BIVM: variants seen among roughly 807,000 people sequenced by gnomAD.
The protein encoded by BIVM is basic, immunoglobulin-like variable motif containing.
Under a neutral mutation model 61.4 loss-of-function variants are expected in BIVM, and 31 were observed. The observed-to-expected ratio is 0.51, with a 90% CI of 0.38 to 0.68. The LOEUF (loss-of-function observed/expected upper bound fraction) is 0.68. Among genes scored for constraint, BIVM ranks in the 30% least tolerant of loss-of-function variants. BIVM has a pLI of 0.00. For synonymous variants in BIVM, 189 were observed against 210.7 expected (o/e 0.90, Z 0.89); for missense variants, 526 against 596.0 (o/e 0.88, Z 1.22).
At chr13:102,818,377 G>A (rs1309798600) in intron 4 of BIVM, among the ~76,000 whole-genome samples, 2 of 152,220 alleles carry the variant, frequency 1.3e-5, no homozygotes, top group Middle Eastern at 6.8e-3. Flanking sequence ...TTTTTTCTGA[G>A]TTAAAGATAA....
intron 3 of BIVM, among the ~76,000 whole-genome samples, chr13:102,813,626 A>G (rs1879650012): frequency 1.3e-5 from 2 of 151,898 alleles, no homozygotes; most frequent in Non-Finnish European, 1.5e-5. Context: ...CACTTTCCTT[A>G]TATGTTCTAT....
intron 3 of BIVM, among the ~76,000 whole-genome samples, chr13:102,816,076 G>A (rs559860045): frequency 3.3e-5 from 5 of 152,208 alleles, no homozygotes; most frequent in Admixed American, 6.5e-5. Context: ...TTGATTTTCC[G>A]GATGTGGCTA....
Position 102,807,346 on chromosome 13 carries a change from G to A in BIVM, c.79G>A (p.Glu27Lys). 2 of 1,614,188 alleles carry A rather than the reference G, an allele frequency of 1.2e-6. No homozygotes were observed. Among genetic ancestry groups the A allele is most frequent in the Non-Finnish European group, 8.5e-7 (1 of 1,180,030 alleles). Residue 27 changes from glutamate (E) to lysine (K), a missense_variant, in exon 3 of 11, where the codon GAG becomes AAG. Glu to Lys is a moderately conservative substitution (Grantham distance 56). Transcript: ENST00000257336. The surrounding 1 kb of genome is among the most constrained non-coding windows in gnomAD (Gnocchi z 4.0). ...EHKSERKSPE[E>K]NLQGAVKSFC... ...CAAATCTGAGAGAAAGTCACCTGAA[G>A]AGAATCTACAAGGTGCTGTAAAATC... is the stretch of plus-strand genomic sequence containing the variant.
chr13:102,814,526 T>C (rs942526034), intron 3 of BIVM, among the ~76,000 whole-genome samples: 9 of 152,198 alleles, frequency 5.9e-5, no homozygotes, highest in Non-Finnish European at 1.2e-4. Context: ...TCATTAGCTT[T>C]AACATTTTAA....
chr13:102,807,311 A>G lies in BIVM; in HGVS notation c.44A>G (p.Asn15Ser). 1 of 1,613,114 alleles carries G rather than the reference A, an allele frequency of 6.2e-7. No individual in the cohort carries two copies. The highest frequency in any genetic ancestry group is 8.5e-7 in the Non-Finnish European group (1 of 1,179,138). Reference sequence around the variant, plus strand: ...ACAGAAAGGTCAAATGATTCTGGAAATGGTGAGCACAAATCTGAGAGAAAG... The same window carrying G: ...ACAGAAAGGTCAAATGATTCTGGAAGTGGTGAGCACAAATCTGAGAGAAAG... ...AETERSNDSGNGEHKSERKSP... is the reference protein window; with the variant it reads ...AETERSNDSGSGEHKSERKSP... The change falls in exon 3 of 11, where the codon AAT becomes AGT. Residue 15 changes from asparagine to serine, a missense_variant. Coordinates refer to ENST00000257336, the MANE Select transcript of BIVM (RefSeq NM_017693.4). The surrounding 1 kb of genome is among the most constrained non-coding windows in gnomAD (Gnocchi z 4.0).
intron 1 of BIVM, among the ~76,000 whole-genome samples, chr13:102,801,017 G>A (rs925116501): frequency 6.6e-6 from 1 of 152,214 alleles, no homozygotes; most frequent in Non-Finnish European, 1.5e-5. Context: ...AACCTGAAAA[G>A]ACTACAACCT....
chr13:102,834,377 C>G, intron 8 of BIVM, 89 bp from the exon 9 acceptor site: 1 of 1,303,506 alleles, frequency 7.7e-7, no homozygotes, highest in Non-Finnish European at 1.0e-6. Flanking sequence ...TTTGAATACA[C>G]TCTAGTATGC....
intron 7 of BIVM, among the ~76,000 whole-genome samples, chr13:102,825,388 G>A (rs1382517724): frequency 6.6e-6 from 1 of 152,142 alleles, no homozygotes; most frequent in African/African-American, 2.4e-5. Context: ...ATGAGCTACT[G>A]TGCCTGGCCC....
chr13:102,799,776 G>T (rs1878621259), intron 1 of BIVM, among the ~76,000 whole-genome samples: 1 of 152,242 alleles, frequency 6.6e-6, no homozygotes, highest in Non-Finnish European at 1.5e-5. Flanking sequence ...GTAGGGGGAA[G>T]AGCTGTGTCG....
At chr13:102,825,091 C>T (rs1289349527) in intron 7 of BIVM, among the ~76,000 whole-genome samples, 1 of 151,968 alleles carries the variant, frequency 6.6e-6, no homozygotes, top group South Asian at 2.1e-4. Flanking sequence ...TACAGGCGCC[C>T]ACCACCATGC....
chr13:102,814,569 A>G (rs1052319535), intron 3 of BIVM, among the ~76,000 whole-genome samples: 1 of 152,180 alleles, frequency 6.6e-6, no homozygotes, highest in Non-Finnish European at 1.5e-5. Flanking sequence ...GAATTAAGTC[A>G]TTATTAGGCA....
At position 102,807,606 on chromosome 13, in the gene BIVM, G is replaced by T; in HGVS notation, c.339G>T (p.Pro113=). Reference sequence around the variant, plus strand: ...ATTCATCAAGATACATTGGTATCCCGACTAGTACATCGGAAATTATCTACA... The same window carrying T: ...ATTCATCAAGATACATTGGTATCCCTACTAGTACATCGGAAATTATCTACA... The part of the protein sequence containing the change: ...GNNSSRYIGI[P]TSTSEIIYNE... The change falls in exon 3 of 11, where the codon CCG becomes CCT. Residue 113 remains proline, a synonymous_variant. Transcript: ENST00000257336. The surrounding 1 kb of genome is among the most constrained non-coding windows in gnomAD (Gnocchi z 4.0). 1 of 1,614,050 alleles carries T rather than the reference G, an allele frequency of 6.2e-7. No individual in the cohort carries two copies. Among genetic ancestry groups the T allele is most frequent in the Non-Finnish European group, 8.5e-7 (1 of 1,180,032 alleles).
At chr13:102,834,353 G>T (rs2140497917) in intron 8 of BIVM, 113 bp from the exon 9 acceptor site, 1 of 1,035,362 alleles carries the variant, frequency 9.7e-7, no homozygotes, top group Non-Finnish European at 1.4e-6. Flanking sequence ...TGTTCTTGAT[G>T]AATGAATGCC....
chr13:102,825,836 G>T (rs1349577092), intron 7 of BIVM, among the ~76,000 whole-genome samples: 2 of 152,158 alleles, frequency 1.3e-5, no homozygotes, highest in African/African-American at 4.8e-5. Context: ...TGCTTGCCAG[G>T]CAGGATTCAA....
chr13:102,839,556 A>T lies in BIVM; in HGVS notation c.1219-16A>T, dbSNP rs1881702349. 10 of 1,609,804 alleles carry T rather than the reference A, an allele frequency of 6.2e-6. No individual in the cohort carries two copies. Among genetic ancestry groups the T allele is most frequent in the Admixed American group, 1.7e-5 (1 of 59,288 alleles). On this transcript the variant is annotated splice_polypyrimidine_tract_variant and intron_variant, in intron 10 of 10. Coordinates refer to ENST00000257336, the MANE Select transcript of BIVM (RefSeq NM_017693.4). ...TTTCCCTTTATTTTCTTCAGCCAAC[A>T]TTTTTTTCTTCTCAGGTTGGGGGAA...
chr13:102,818,729 G>A (rs1028730900), intron 4 of BIVM, among the ~76,000 whole-genome samples: 2 of 152,198 alleles, frequency 1.3e-5, no homozygotes, highest in East Asian at 1.9e-4. Flanking sequence ...GGAAAGTCCC[G>A]TAGAAGATAG....
At chr13:102,804,120 A>C (rs950389529) in intron 1 of BIVM, among the ~76,000 whole-genome samples, 6 of 152,220 alleles carry the variant, frequency 3.9e-5, no homozygotes, top group Non-Finnish European at 5.9e-5. Context: ...AACTCTGCAC[A>C]AATTATTTTA....
At chr13:102,827,568 T>G (rs1024437477) in intron 7 of BIVM, among the ~76,000 whole-genome samples, 1 of 152,224 alleles carries the variant, frequency 6.6e-6, no homozygotes, top group South Asian at 2.1e-4. Flanking sequence ...CCTTTGCTAA[T>G]TGGGGGACCC....
At chr13:102,835,151 G>T (rs1038633298) in intron 9 of BIVM, among the ~76,000 whole-genome samples, 4 of 152,090 alleles carry the variant, frequency 2.6e-5, no homozygotes, top group Admixed American at 6.5e-5. Flanking sequence ...GGCTGAGGTG[G>T]GAGGATCGCT....
Sources: allele counts gnomAD v4.1 joint callset (sites outside exome capture counted in the v4.1 genomes callset), GRCh38; gene constraint gnomAD v4.1.1; non-coding constraint Gnocchi (gnomAD v3.1); transcripts MANE v1.5; gene names NCBI Gene and HGNC (gene_info 2026-07-23, HGNC 2026-07-21).